Variants in HS3ST4 observed in about 807,000 individuals in gnomAD.
The protein encoded by HS3ST4 is heparan sulfate-glucosamine 3-sulfotransferase 4.
A neutral mutation model predicts 29.2 loss-of-function variants in HS3ST4; 17 were observed. That is an observed-to-expected ratio of 0.58 (90% CI 0.40 to 0.87). HS3ST4 has a LOEUF of 0.87. Ranked by LOEUF, HS3ST4 falls within the 40% of genes least tolerant of loss-of-function variation. HS3ST4 has a pLI of 0.00. For synonymous variants in HS3ST4, 314 were observed against 285.7 expected, an observed-to-expected ratio of 1.10 and a Z score of -1.00; for missense variants, 627 against 634.5, an observed-to-expected ratio of 0.99 and a Z score of 0.13.
At chr16:25,847,020 T>C (rs1967473941) in intron 1 of HS3ST4, among the ~76,000 whole-genome samples, 1 of 152,036 alleles carries the variant, frequency 6.6e-6, no homozygotes, top group Admixed American at 6.6e-5. Flanking sequence ...CGAGTTTTTT[T>C]TTTTTTTTGA....
At chr16:25,800,040 TC>T (rs1418686052) in intron 1 of HS3ST4, among the ~76,000 whole-genome samples, 10 of 150,952 alleles carry the variant, frequency 6.6e-5, no homozygotes, top group Non-Finnish European at 1.3e-4. Flanking sequence ...TCTCCTTCCT[TC>T]CTTCCTTCCT....
chr16:25,945,796 A>G (rs1968619602), intron 1 of HS3ST4, among the ~76,000 whole-genome samples: 1 of 152,310 alleles, frequency 6.6e-6, no homozygotes, highest in African/African-American at 2.4e-5. Flanking sequence ...CCCATGTGTA[A>G]CAACCCACCT....
chr16:25,769,602 G>A (rs112372130), intron 1 of HS3ST4, among the ~76,000 whole-genome samples: 2 of 152,136 alleles, frequency 1.3e-5, no homozygotes, highest in African/African-American at 4.8e-5. Context: ...CTCTGTTCCG[G>A]CACCAGCACC....
chr16:25,901,234 A>C (rs997567423), intron 1 of HS3ST4, among the ~76,000 whole-genome samples: 3 of 152,120 alleles, frequency 2.0e-5, no homozygotes, highest in South Asian at 2.1e-4. Context: ...GCTGTGGTCC[A>C]TGGGGTCCCA....
At position 26,010,182 on chromosome 16, in the gene HS3ST4, G is replaced by A. The variant is rs369932022; in HGVS notation, c.735-125430G>A. Among the ~76,000 whole-genome samples the A allele has an allele frequency of 3.7e-4, 57 of 152,270 alleles. No homozygotes were observed. In the South Asian group the frequency reaches 0.01, roughly 27 times the overall value. On this transcript the variant is annotated intron_variant, in intron 1 of 1. Coordinates refer to ENST00000331351, the MANE Select transcript of HS3ST4 (RefSeq NM_006040.3). ...AAAATGTGAAAATGTGGCCCGGCGCGGTGACTCATGCCTGTAATCCCAGCA... is the reference window on the plus strand; with the variant it reads ...AAAATGTGAAAATGTGGCCCGGCGCAGTGACTCATGCCTGTAATCCCAGCA...
chr16:25,723,271 TAAG>T (rs576435394), intron 1 of HS3ST4, among the ~76,000 whole-genome samples: 118 of 152,288 alleles, frequency 7.7e-4, no homozygotes, highest in Non-Finnish European at 1.4e-3. Flanking sequence ...TTTTAAAAAT[TAAG>T]AAGTCAGTTA....
chr16:25,957,402 G>A (rs569347555), intron 1 of HS3ST4, among the ~76,000 whole-genome samples: 3 of 135,236 alleles, frequency 2.2e-5, no homozygotes, highest in South Asian at 2.3e-4. Flanking sequence ...TGAAAGATCA[G>A]TGAACCTTCA....
chr16:26,109,327 C>T (rs984291533), intron 1 of HS3ST4, among the ~76,000 whole-genome samples: 3 of 152,286 alleles, frequency 2.0e-5, no homozygotes, highest in East Asian at 3.9e-4. Context: ...ATATCTTCCA[C>T]GCACACAATC....
chr16:25,967,483 A>G (rs1968853488), intron 1 of HS3ST4, among the ~76,000 whole-genome samples: 1 of 152,172 alleles, frequency 6.6e-6, no homozygotes, highest in African/African-American at 2.4e-5. Context: ...AGAAATCCAA[A>G]ATATTTTGCT....
chr16:26,134,465 T>C (rs1898254400), intron 1 of HS3ST4, among the ~76,000 whole-genome samples: 1 of 150,382 alleles, frequency 6.6e-6, no homozygotes, highest in African/African-American at 2.5e-5. Flanking sequence ...TGGGTCCAAG[T>C]GATTTTCCTG....
At chr16:25,785,135 T>C (rs1192081024) in intron 1 of HS3ST4, among the ~76,000 whole-genome samples, 1 of 152,230 alleles carries the variant, frequency 6.6e-6, no homozygotes, top group Non-Finnish European at 1.5e-5. Flanking sequence ...TGTTAAGACC[T>C]ACTGCTTTTT....
At chr16:26,031,930 C>T (rs1169412747) in intron 1 of HS3ST4, among the ~76,000 whole-genome samples, 8 of 152,172 alleles carry the variant, frequency 5.3e-5, no homozygotes, top group Non-Finnish European at 1.2e-4. Flanking sequence ...TGAGGGTTGA[C>T]ATTTCACATT....
At chr16:25,811,851 G>GTAT (rs1166161472) in intron 1 of HS3ST4, among the ~76,000 whole-genome samples, 3 of 152,176 alleles carry the variant, frequency 2.0e-5, no homozygotes, top group Non-Finnish European at 4.4e-5. Context: ...CAATGATAGA[G>GTAT]TATTAGTAGT....
At chr16:26,015,597 C>T (rs965563203) in intron 1 of HS3ST4, among the ~76,000 whole-genome samples, 2 of 152,190 alleles carry the variant, frequency 1.3e-5, no homozygotes, top group East Asian at 3.9e-4. Context: ...GTTAGACTAA[C>T]ATGGGAGTCA....
chr16:25,708,582 ATAT>A lies in HS3ST4; in HGVS notation c.734+15438_734+15440del, dbSNP rs567407657. 2.1e-3 allele frequency among the ~76,000 whole-genome samples: 318 copies of A among 152,336 alleles called. 1 individual carries two copies. Among genetic ancestry groups the A allele is most frequent in the African/African-American group, 7.1e-3 (297 of 41,584 alleles). On this transcript the variant is annotated intron_variant, in intron 1 of 1. Coordinates refer to ENST00000331351, the MANE Select transcript of HS3ST4 (RefSeq NM_006040.3). ...ATCTTAAAGCAATTAATATTAAGAA[ATAT>A]TATTATAACACATATGCCATATATT...
At chr16:25,703,037 T>C (rs1224349810) in intron 1 of HS3ST4, among the ~76,000 whole-genome samples, 1 of 152,082 alleles carries the variant, frequency 6.6e-6, no homozygotes, top group Non-Finnish European at 1.5e-5. Context: ...TGCGTGCCTG[T>C]AATCCCTGCT....
rs190700281 is a variant in HS3ST4, at chr16:26,096,634, T to C, written c.735-38978T>C. The stretch of plus-strand genomic sequence containing the variant: ...ACTACTTATGACAATCCCACAGCCA[T>C]TATCATACAGAATGGGCAAAAACTA... On this transcript the variant is annotated intron_variant, in intron 1 of 1. Coordinates refer to ENST00000331351, the MANE Select transcript of HS3ST4 (RefSeq NM_006040.3). Among the ~76,000 whole-genome samples the C allele has an allele frequency of 2.3e-3, 344 of 152,248 alleles. 1 individual carries two copies. Among genetic ancestry groups the C allele is most frequent in the African/African-American group, 8.0e-3 (333 of 41,570 alleles).
chr16:25,953,793 AATTAT>A (rs1400241501), intron 1 of HS3ST4, among the ~76,000 whole-genome samples: 1 of 152,162 alleles, frequency 6.6e-6, no homozygotes, highest in Non-Finnish European at 1.5e-5. Flanking sequence ...TTCATGAACA[AATTAT>A]ATTGGATCCA....
intron 1 of HS3ST4, among the ~76,000 whole-genome samples, chr16:26,123,502 G>A (rs1301957733): frequency 6.6e-6 from 1 of 152,116 alleles, no homozygotes; most frequent in East Asian, 1.9e-4. Flanking sequence ...CAAACAATTT[G>A]TACTATTTCA....
Sources: allele counts gnomAD v4.1 joint callset (sites outside exome capture counted in the v4.1 genomes callset), GRCh38; gene constraint gnomAD v4.1.1; transcripts MANE v1.5; gene names NCBI Gene and HGNC (gene_info 2026-07-23, HGNC 2026-07-21).